The following FGGY variants were observed in gnomAD, a reference collection of about 807,000 sequenced individuals.
FGGY encodes the protein FGGY carbohydrate kinase domain containing, also known as FGGY carbohydrate kinase domain-containing protein.
Under a neutral mutation model 71.3 loss-of-function variants are expected in FGGY, and 72 were observed. The ratio of observed to expected loss-of-function variants is 1.01; its 90% CI spans 0.84 to 1.23. The LOEUF (loss-of-function observed/expected upper bound fraction) is 1.23. Ranked by LOEUF, FGGY falls within the 50% of genes most tolerant of loss-of-function variation. The probability of loss-of-function intolerance (pLI) is 0.00; values close to 1 mark genes in which losing one functional copy is unlikely to be tolerated. For synonymous variants in FGGY, 251 were observed against 250.3 expected (o/e 1.00, Z -0.02); for missense variants, 668 against 682.3 (o/e 0.98, Z 0.23).
At chr1:59,475,441 C>T (rs1411051164) in intron 6 of FGGY, among the ~76,000 whole-genome samples, 1 of 152,222 alleles carries the variant, frequency 6.6e-6, no homozygotes, top group Admixed American at 6.5e-5. Flanking sequence ...TCCTACAGTG[C>T]TTTACAACTT....
chr1:59,587,169 C>T (rs145847504), intron 8 of FGGY, among the ~76,000 whole-genome samples: 15,672 of 152,152 alleles, frequency 0.1, 980 homozygotes, highest in South Asian at 0.3. Flanking sequence ...GAGGGTCCTG[C>T]ACCCACGGAG....
intron 7 of FGGY, among the ~76,000 whole-genome samples, chr1:59,518,599 C>T (rs1195938648): frequency 1.3e-5 from 2 of 152,078 alleles, no homozygotes; most frequent in Non-Finnish European, 2.9e-5. Flanking sequence ...TCGCATCATC[C>T]CCTTGGTGCT....
Position 59,462,783 on chromosome 1 carries a change from G to C in FGGY, c.670+5707G>C, listed in dbSNP as rs562963565. On this transcript the variant is annotated intron_variant, in intron 6 of 15. Coordinates refer to ENST00000303721, the MANE Select transcript of FGGY (RefSeq NM_018291.5). ...ATACCATCTCACACCAGTTAGAATG[G>C]CAGTCATTAAAAAGTCAGGAAACAA... Among the ~76,000 whole-genome samples the C allele has an allele frequency of 4.3e-4, 65 of 152,172 alleles. 1 individual carries two copies. Among genetic ancestry groups the C allele is most frequent in the African/African-American group, 1.5e-3 (64 of 41,524 alleles).
At chr1:59,491,776 A>G (rs1314947053) in intron 6 of FGGY, among the ~76,000 whole-genome samples, 1 of 151,958 alleles carries the variant, frequency 6.6e-6, no homozygotes, top group Non-Finnish European at 1.5e-5. Flanking sequence ...AAAGAGTGGC[A>G]TGTGAGAAAA....
intron 8 of FGGY, among the ~76,000 whole-genome samples, chr1:59,582,255 A>C (rs1047555333): frequency 1.9e-4 from 28 of 149,616 alleles, no homozygotes; most frequent in Non-Finnish European, 3.5e-4. Flanking sequence ...TCTCAAAAAA[A>C]CCCCCAGAAA....
rs763697725 is a variant in FGGY at position 59,346,347 on chromosome 1, G to C, written c.414G>C (p.Gly138=). Residue 138 remains glycine (G), a synonymous_variant, in exon 4 of 16, where the codon GGG becomes GGC. Transcript: ENST00000303721. ...AGCACAGTGTCCTCCAGTACGTCGG[G>C]GGGGTGATGTCTGTGGAAATGCAGG... ...ETKHSVLQYV[G]GVMSVEMQAP... 6.8e-6 allele frequency: 11 copies of C among 1,611,832 alleles called. No homozygotes were observed. The highest frequency in any genetic ancestry group is 6.7e-5 in the Admixed American group (4 of 59,948).
At chr1:59,385,417 C>T (rs1466931599) in intron 5 of FGGY, among the ~76,000 whole-genome samples, 1 of 152,086 alleles carries the variant, frequency 6.6e-6, no homozygotes, top group Non-Finnish European at 1.5e-5. Flanking sequence ...CTGTGCTAGG[C>T]ATATTTAGCA....
At chr1:59,707,085 G>A (rs981544781) in intron 14 of FGGY, among the ~76,000 whole-genome samples, 5 of 152,084 alleles carry the variant, frequency 3.3e-5, no homozygotes, top group Non-Finnish European at 5.9e-5. Flanking sequence ...TCAAAGCCTG[G>A]TTTCTATGGA....
chr1:59,686,353 T>C (rs769045217), intron 14 of FGGY, among the ~76,000 whole-genome samples: 8 of 152,112 alleles, frequency 5.3e-5, no homozygotes, highest in Non-Finnish European at 8.8e-5. Context: ...GAAGCACCCG[T>C]CAATCGAGAA....
intron 13 of FGGY, 70 bp from the exon 14 acceptor site, chr1:59,673,969 G>T: frequency 1.4e-6 from 2 of 1,395,126 alleles, no homozygotes; most frequent in South Asian, 1.2e-5. Flanking sequence ...TTGCCACTGC[G>T]GCTGCTTGTT....
At chr1:59,492,148 G>A (rs1333847015) in intron 6 of FGGY, among the ~76,000 whole-genome samples, 1 of 151,824 alleles carries the variant, frequency 6.6e-6, no homozygotes, top group Non-Finnish European at 1.5e-5. Context: ...TTATTGTCTG[G>A]TACCCCACTA....
At chr1:59,665,612 C>T (rs924175885) in intron 12 of FGGY, among the ~76,000 whole-genome samples, 3 of 152,108 alleles carry the variant, frequency 2.0e-5, no homozygotes, top group African/African-American at 7.2e-5. Flanking sequence ...TCCATTTGCC[C>T]TCTACCCCCA....
chr1:59,738,798 T>C (rs1334244424), intron 14 of FGGY, among the ~76,000 whole-genome samples: 3 of 152,330 alleles, frequency 2.0e-5, no homozygotes, highest in Admixed American at 6.5e-5. Flanking sequence ...ATTGGCCAAA[T>C]TTTATAAATG....
chr1:59,753,638 T>G (rs1184295648), intron 14 of FGGY, among the ~76,000 whole-genome samples: 2 of 151,048 alleles, frequency 1.3e-5, no homozygotes, highest in East Asian at 3.9e-4. Context: ...CTGTTAACAT[T>G]TTAATATATA....
At chr1:59,371,393 C>A (rs914054220) in intron 4 of FGGY, among the ~76,000 whole-genome samples, 1 of 152,054 alleles carries the variant, frequency 6.6e-6, no homozygotes, top group African/African-American at 2.4e-5. Context: ...ACAGGAACAC[C>A]CAGATTCATA....
intron 6 of FGGY, among the ~76,000 whole-genome samples, chr1:59,468,198 C>T (rs886261958): frequency 9.2e-5 from 14 of 152,074 alleles, no homozygotes; most frequent in Non-Finnish European, 1.5e-4. Flanking sequence ...TCACCGCGCC[C>T]GACTGGCTTC....
intron 6 of FGGY, among the ~76,000 whole-genome samples, chr1:59,511,178 A>C (rs1553254867): frequency 6.6e-6 from 1 of 152,146 alleles, no homozygotes; most frequent in Non-Finnish European, 1.5e-5. Flanking sequence ...GTGTCGTCAA[A>C]GTGCTTTGGT....
chr1:59,613,938 A>C (rs1177989273), intron 9 of FGGY, among the ~76,000 whole-genome samples: 1 of 152,354 alleles, frequency 6.6e-6, no homozygotes, highest in African/African-American at 2.4e-5. Flanking sequence ...CCCTCCCAAG[A>C]CTAAACCAGG....
At chr1:59,711,092 A>G (rs957745781) in intron 14 of FGGY, among the ~76,000 whole-genome samples, 9 of 152,150 alleles carry the variant, frequency 5.9e-5, no homozygotes, top group African/African-American at 2.2e-4. Flanking sequence ...ACATATACAC[A>G]ATGGAATACT....
Sources: gnomAD v4.1 joint callset for allele counts (sites outside exome capture counted in the v4.1 genomes callset) on GRCh38, gnomAD v4.1.1 for gene constraint, MANE v1.5 for transcripts, NCBI Gene and HGNC (gene_info 2026-07-23, HGNC 2026-07-21) for gene names.